ARHGAP20: variants seen among roughly 807,000 people sequenced by gnomAD.
The protein encoded by ARHGAP20 is rho GTPase-activating protein 20.
Under a neutral mutation model 73.7 loss-of-function variants are expected in ARHGAP20, and 34 were observed. The ratio of observed to expected loss-of-function variants is 0.46; its 90% CI spans 0.35 to 0.61. ARHGAP20 has a LOEUF of 0.61. Ranked by LOEUF, ARHGAP20 falls within the 20% of genes least tolerant of loss-of-function variation. The probability of loss-of-function intolerance (pLI) is 0.00; values close to 1 mark genes in which losing one functional copy is unlikely to be tolerated. For missense variants in ARHGAP20, 1,314 were observed against 1,420.9 expected, an observed-to-expected ratio of 0.92 and a Z score of 1.21; for synonymous variants, 523 against 518.2, an observed-to-expected ratio of 1.01 and a Z score of -0.13.
At chr11:110,646,633 G>C (rs1949199778) in intron 2 of ARHGAP20, among the ~76,000 whole-genome samples, 1 of 152,030 alleles carries the variant, frequency 6.6e-6, no homozygotes, top group Non-Finnish European at 1.5e-5. Flanking sequence ...CCAGTGTATG[G>C]TTTTTCTATA....
chr11:110,651,683 T>C (rs544148312), intron 2 of ARHGAP20, among the ~76,000 whole-genome samples: 6 of 151,518 alleles, frequency 4.0e-5, no homozygotes, highest in Admixed American at 1.3e-4. Flanking sequence ...TAGGAAGAAG[T>C]TGAATCCCTG....
At chr11:110,689,051 T>G (rs1591179861) in intron 2 of ARHGAP20, among the ~76,000 whole-genome samples, 1 of 149,184 alleles carries the variant, frequency 6.7e-6, no homozygotes, top group African/African-American at 2.5e-5. Flanking sequence ...CAGGCTGGAG[T>G]GCAGTGGCAC....
intron 2 of ARHGAP20, among the ~76,000 whole-genome samples, chr11:110,669,809 T>C (rs576458112): frequency 1.3e-5 from 2 of 152,256 alleles, no homozygotes; most frequent in East Asian, 1.9e-4. Context: ...TTGGTACTTA[T>C]TGAGAGGTTT....
chr11:110,577,857 A>G lies in ARHGAP20; in HGVS notation c.*1513T>C, dbSNP rs1371196079. 3 of 985,692 alleles carry G rather than the reference A, an allele frequency of 3.0e-6. No individual in the cohort carries two copies. The highest frequency in any genetic ancestry group is 3.6e-6 in the Non-Finnish European group (3 of 829,856). 61.1% of individuals were successfully genotyped at this position (985,692 alleles called of 1,614,324 possible). ...GAAAATATTTTTTCCCCTATAACTG[A>G]AAATGCAACCTTTAGAACAAAAAAG... On this transcript the variant is annotated 3_prime_UTR_variant, in exon 15 of 15. Transcript: ENST00000683387.
intron 4 of ARHGAP20, among the ~76,000 whole-genome samples, chr11:110,619,232 TAG>T (rs1443035483): frequency 6.5e-5 from 1 of 15,356 alleles, no homozygotes. Context: ...TATGTAGTGA[TAG>T]AGTGTATGCA....
chr11:110,600,414 C>A (rs985139536), intron 9 of ARHGAP20, among the ~76,000 whole-genome samples: 5 of 152,214 alleles, frequency 3.3e-5, no homozygotes, highest in Non-Finnish European at 7.3e-5. Context: ...ACAGCCAGCA[C>A]CCATGCAGGC....
intron 2 of ARHGAP20, among the ~76,000 whole-genome samples, chr11:110,662,418 C>T (rs918942822): frequency 6.6e-6 from 1 of 151,810 alleles, no homozygotes; most frequent in African/African-American, 2.4e-5. Context: ...AACTATTCCA[C>T]GTGACTTTAA....
intron 2 of ARHGAP20, among the ~76,000 whole-genome samples, chr11:110,690,150 A>T (rs767308192): frequency 2.0e-5 from 3 of 152,172 alleles, no homozygotes; most frequent in Non-Finnish European, 2.9e-5. Flanking sequence ...CTTCCTTCAC[A>T]TCTAAAGTTG....
chr11:110,648,174 T>TATATATA (rs1347048160), intron 2 of ARHGAP20, among the ~76,000 whole-genome samples: 47 of 53,780 alleles, frequency 8.7e-4, no homozygotes, highest in Non-Finnish European at 1.9e-3. Context: ...TATATGTAAA[T>TATATATA]ATATATATAT....
At chr11:110,660,068 A>AAAAAAAAC (rs1555097615) in intron 2 of ARHGAP20, among the ~76,000 whole-genome samples, 1 of 150,874 alleles carries the variant, frequency 6.6e-6, no homozygotes, top group Non-Finnish European at 1.5e-5. Flanking sequence ...AAACAAAAAA[A>AAAAAAAAC]AAAAAAAAAA....
chr11:110,619,435 CAGTGATAGAGTATATGT>C (rs1565441919), intron 4 of ARHGAP20, among the ~76,000 whole-genome samples: 9 of 145,176 alleles, frequency 6.2e-5, no homozygotes, highest in Admixed American at 3.4e-4. Flanking sequence ...AGAGTATATG[CAGTGATAGAGTATATGT>C]AGTGATAGTG....
intron 4 of ARHGAP20, among the ~76,000 whole-genome samples, chr11:110,621,782 T>A (rs559344665): frequency 6.6e-6 from 1 of 152,390 alleles, no homozygotes; most frequent in South Asian, 2.1e-4. Context: ...TTCCTTGTTC[T>A]TCACATGTCA....
intron 12 of ARHGAP20, among the ~76,000 whole-genome samples, chr11:110,585,430 C>A (rs961571470): frequency 6.7e-6 from 1 of 150,372 alleles, no homozygotes; most frequent in Non-Finnish European, 1.5e-5. Context: ...GTGTCTTCAG[C>A]AGCTGTACTA....
intron 9 of ARHGAP20, among the ~76,000 whole-genome samples, chr11:110,597,348 G>T (rs1947994991): frequency 6.6e-6 from 1 of 151,336 alleles, no homozygotes; most frequent in Non-Finnish European, 1.5e-5. Flanking sequence ...CCAGGAAGGG[G>T]TTCCTGTACG....
At chr11:110,702,563 G>C (rs1950474714) in intron 1 of ARHGAP20, among the ~76,000 whole-genome samples, 1 of 152,094 alleles carries the variant, frequency 6.6e-6, no homozygotes, top group Non-Finnish European at 1.5e-5. Context: ...AGGAAATAAA[G>C]GGTATTCAAT....
intron 10 of ARHGAP20, among the ~76,000 whole-genome samples, chr11:110,591,351 T>C (rs1428533826): frequency 6.6e-6 from 1 of 152,216 alleles, no homozygotes; most frequent in Non-Finnish European, 1.5e-5. Flanking sequence ...CCCCTAAATT[T>C]GTTGTGAAGA....
intron 3 of ARHGAP20, 60 bp from the exon 4 acceptor site, chr11:110,624,371 GCTT>G: frequency 7.2e-7 from 1 of 1,380,250 alleles, no homozygotes; most frequent in Non-Finnish European, 9.6e-7. Context: ...TTTTATGGGA[GCTT>G]CTCTGGAAGG....
At chr11:110,590,100 G>A (rs557854487) in intron 11 of ARHGAP20, among the ~76,000 whole-genome samples, 60 of 143,434 alleles carry the variant, frequency 4.2e-4, no homozygotes, top group African/African-American at 1.2e-3. Context: ...CAGCCTGGCC[G>A]ACAGAGTGAG....
rs1948838618 is a variant in ARHGAP20, at chr11:110,630,558, G to A, written c.353+70C>T. ...AAGACATTCTTACAGTAAGCATTGA[G>A]TAGAAAGGGTATCTTTGTTAGTAAA... On this transcript the variant is annotated intron_variant, in intron 3 of 14. Coordinates refer to ENST00000683387, the MANE Select transcript of ARHGAP20 (RefSeq NM_001384657.1). The A allele has an allele frequency of 3.4e-6, 5 of 1,453,340 alleles. No homozygotes were observed. In the Admixed American group the frequency reaches 7.4e-5, roughly 21 times the overall value. The allele number at this position is 1,453,340 out of a possible 1,614,324, so 90.0% of individuals were successfully genotyped here. A position where few individuals can be genotyped will look rare whatever the true frequency, so the allele number is the denominator to read the frequency against.
Sources: gnomAD v4.1 joint callset for allele counts (sites outside exome capture counted in the v4.1 genomes callset) on GRCh38, gnomAD v4.1.1 for gene constraint, MANE v1.5 for transcripts, NCBI Gene and HGNC (gene_info 2026-07-23, HGNC 2026-07-21) for gene names.